The following NEB variants were observed in gnomAD, a reference collection of about 807,000 sequenced individuals.
NEB encodes the protein nebulin.
A neutral mutation model predicts 952.2 loss-of-function variants in NEB; 512 were observed. That is an observed-to-expected ratio of 0.54 (90% CI 0.50 to 0.58). The LOEUF (loss-of-function observed/expected upper bound fraction) is 0.58. Among genes scored for constraint, NEB ranks in the 20% least tolerant of loss-of-function variants. The pLI is 0.00. For synonymous variants in NEB, 2,900 were observed against 3,149.8 expected, an observed-to-expected ratio of 0.92 and a Z score of 2.66; for missense variants, 8,428 against 9,231.1, an observed-to-expected ratio of 0.91 and a Z score of 3.56.
chr2:151,562,733 C>T lies in NEB; in HGVS notation c.18769G>A (p.Ala6257Thr). 1 of 1,603,570 alleles carries T rather than the reference C, an allele frequency of 6.2e-7. No individual in the cohort carries two copies. The highest frequency in any genetic ancestry group is 8.5e-7 in the Non-Finnish European group (1 of 1,174,594). The change falls in exon 120 of 182, where the codon GCT becomes ACT. Residue 6257 changes from alanine (A) to threonine (T), a missense_variant. Ala to Thr is a moderately conservative substitution (Grantham distance 58). Coordinates refer to ENST00000397345, the MANE Select transcript of NEB (RefSeq NM_001164508.2). ...IPNDMMNHVL[A>T]KRCQYILSDL... is the part of the protein sequence containing the mutation. ...CTGAGGATGTACTGGCACCTTTTAG[C>T]CAGCACGTGATTCATCATGTCATTG...
chr2:151,513,786 A>C, intron 159 of NEB, 93 bp from the exon 160 acceptor site: 3 of 850,800 alleles, frequency 3.5e-6, no homozygotes, highest in Non-Finnish European at 5.7e-6. Context: ...ATAACACGCC[A>C]CCCCAGTTGT....
chr2:151,690,539 T>A lies in NEB; in HGVS notation c.2310+188A>T, dbSNP rs77154348. The A allele has an allele frequency of 2.2e-3, 1,234 of 552,658 alleles. 12 individuals are homozygous for A. The highest frequency in any genetic ancestry group is 0.021 in the African/African-American group (1,089 of 52,602). 34.2% of individuals were successfully genotyped at this position (552,658 alleles called of 1,614,324 possible). On this transcript the variant is annotated intron_variant, in intron 24 of 181. Transcript: ENST00000397345. ...TAAAAAATATTTATTTTTATTATTG[T>A]CTAACACAACTTTCCTCAGGCTGCA... is the stretch of plus-strand genomic sequence containing the variant.
At chr2:151,577,290 G>A (rs2096905826) in intron 105 of NEB, among the ~76,000 whole-genome samples, 1 of 152,112 alleles carries the variant, frequency 6.6e-6, no homozygotes, top group South Asian at 2.1e-4. Context: ...CGTGTCATCT[G>A]TACTTCCATT....
At chr2:151,690,437 T>G in intron 24 of NEB, 1 of 283,552 alleles carries the variant, frequency 3.5e-6, no homozygotes, top group African/African-American at 2.2e-5. Flanking sequence ...TTATTTAAGT[T>G]GGCATGAAGT....
At chr2:151,508,485 A>G (rs887312683) in intron 161 of NEB, among the ~76,000 whole-genome samples, 1 of 152,212 alleles carries the variant, frequency 6.6e-6, no homozygotes, top group Non-Finnish European at 1.5e-5. Flanking sequence ...ATGTAGCCAG[A>G]CTGTTCAACA....
In NEB at chr2:151,634,013, G is replaced by T. The variant is rs185695867; in HGVS notation, c.9103-48C>A. ...AGGTTTTTATTGTAACCCCTTAGAG[G>T]CCACAAGTCTGTGCAAAATCAACTT... On this transcript the variant is annotated intron_variant, in intron 64 of 181. Transcript: ENST00000397345. The T allele has an allele frequency of 4.7e-5, 73 of 1,564,660 alleles. No individual in the cohort carries two copies. The Admixed American group carries it at 8.9e-4, about 19-fold the overall frequency.
In NEB at chr2:151,724,371, A is replaced by T. The variant is rs1248851765; in HGVS notation, c.508-7T>A. On this transcript the variant is annotated splice_region_variant and splice_polypyrimidine_tract_variant and intron_variant, in intron 7 of 181. Coordinates refer to ENST00000397345, the MANE Select transcript of NEB (RefSeq NM_001164508.2). ...AGTTCTGCTTGTATAAAACCTAGAC[A>T]GAAGGAGCAGAGGATCTGTGGCTTG... The T allele has an allele frequency of 4.4e-6, 7 of 1,597,082 alleles. No individual in the cohort carries two copies.
In NEB at chr2:151,710,522, T is replaced by G. The variant is rs762688575; in HGVS notation, c.839A>C (p.Asp280Ala). 6.2e-7 allele frequency: 1 copy of G among 1,604,896 alleles called. No individual in the cohort carries two copies. Among genetic ancestry groups the G allele is most frequent in the South Asian group, 1.1e-5 (1 of 89,470 alleles). The change falls in exon 11 of 182, where the codon GAC (aspartate) becomes GCC (alanine). Residue 280 changes from aspartate to alanine, a missense_variant. Physicochemically the swap from Asp to Ala is moderately radical, Grantham distance 126. Coordinates refer to ENST00000397345, the MANE Select transcript of NEB (RefSeq NM_001164508.2). The stretch of plus-strand genomic sequence containing the variant: ...TTTGCCTTTGATTTTATTTTCATAG[T>G]CTTCTTTGTATTTTTGCTAGAAAAA... The part of the protein sequence containing the change: ...NQVSKQKYKE[D>A]YENKIKGKWS...
intron 181 of NEB, among the ~76,000 whole-genome samples, chr2:151,489,201 C>T (rs1178482951): frequency 1.3e-5 from 2 of 152,106 alleles, no homozygotes; most frequent in Admixed American, 1.3e-4. Context: ...AGACAGTTGT[C>T]TTCATACAAA....
rs1478444087 is a variant in NEB at position 151,695,667 on chromosome 2, T to C, written c.1585A>G (p.Lys529Glu). Reference sequence around the variant, plus strand: ...CACTTGAACTTTTCACTTTCATGTTTTGCTTTGTAATTTAACTATGACAGA... The same window carrying C: ...CACTTGAACTTTTCACTTTCATGTTCTGCTTTGTAATTTAACTATGACAGA... ...KQLSDLNYKA[K>E]HESEKFKCHI... The change falls in exon 18 of 182, where the codon AAA (lysine) becomes GAA (glutamate). Residue 529 changes from lysine to glutamate, a missense_variant. Lys to Glu is a moderately conservative substitution (Grantham distance 56). Around this residue, in one of 11 missense-constraint regions of NEB, gnomAD observed 2,851 missense variants for 2,791.5 expected, o/e 1.02. Coordinates refer to ENST00000397345, the MANE Select transcript of NEB (RefSeq NM_001164508.2). 3.7e-6 allele frequency: 6 copies of C among 1,613,208 alleles called. No homozygotes were observed. In the African/African-American group the frequency reaches 5.3e-5, roughly 14 times the overall value.
Position 151,692,262 on chromosome 2 carries a change from T to A in NEB, c.1997A>T (p.Glu666Val), listed in dbSNP as rs2099557798. Residue 666 changes from glutamate to valine, a missense_variant and splice_region_variant, in exon 21 of 182, where the codon GAG (glutamate) becomes GTG (valine). By Grantham distance (121) the Glu-to-Val change is moderately radical. This residue lies in a region of NEB where 2,851 missense variants were observed against 2,791.5 expected (regional missense o/e 1.02). Transcript: ENST00000397345. Reference protein sequence around the residue: ...QLDTQLKNFSEARYKDLYVKD... With the variant: ...QLDTQLKNFSVARYKDLYVKD... The stretch of plus-strand genomic sequence containing the variant: ...AAAGGTAACCGTGGCTTTTCGAACC[T>A]CACTGAAGTTCTTCAGCTGAGTATC... The A allele has an allele frequency of 4.3e-6, 7 of 1,613,600 alleles. No homozygotes were observed. The highest frequency in any genetic ancestry group is 5.9e-6 in the Non-Finnish European group (7 of 1,179,528).
chr2:151,616,965 T>G (rs990022369), intron 75 of NEB, among the ~76,000 whole-genome samples: 3 of 152,210 alleles, frequency 2.0e-5, no homozygotes, highest in Non-Finnish European at 4.4e-5. Flanking sequence ...GGAAAAATGT[T>G]AACATCAAAT....
At chr2:151,505,232 C>T (rs2067890637) in intron 165 of NEB, among the ~76,000 whole-genome samples, 1 of 152,156 alleles carries the variant, frequency 6.6e-6, no homozygotes, top group Non-Finnish European at 1.5e-5. Context: ...GAAGCCAAGT[C>T]CATGAGCTTC....
At position 151,656,364 on chromosome 2, in the gene NEB, T is replaced by C; in HGVS notation, c.6284A>G (p.Lys2095Arg). The change falls in exon 49 of 182, where the codon AAG becomes AGG. Residue 2095 changes from lysine to arginine, a missense_variant. By Grantham distance (26) the Lys-to-Arg change is conservative. Coordinates refer to ENST00000397345, the MANE Select transcript of NEB (RefSeq NM_001164508.2). ...PKLVHSMQVA[K>R]MQSDREYKKN... ...CTTGTACTCCCGATCAGATTGCATC[T>C]TAGCCACTTGCATGGAATGGACTAA... 1.2e-6 allele frequency: 2 copies of C among 1,613,662 alleles called. No homozygotes were observed. The highest frequency in any genetic ancestry group is 8.5e-7 in the Non-Finnish European group (1 of 1,179,678).
At chr2:151,667,665 C>G (rs768218377) in intron 40 of NEB, 139 bp downstream of exon 40, 6 of 537,310 alleles carry the variant, frequency 1.1e-5, no homozygotes, top group Non-Finnish European at 1.9e-5. Flanking sequence ...ATAGTTGGAA[C>G]TACAGGTACA....
chr2:151,730,200 C>A (rs1033569999), intron 3 of NEB, among the ~76,000 whole-genome samples: 6 of 152,156 alleles, frequency 3.9e-5, no homozygotes, highest in Non-Finnish European at 7.4e-5. Flanking sequence ...TAATAAGTTT[C>A]TTCTGGAGTG....
At position 151,534,338 on chromosome 2, in the gene NEB, A is replaced by G. The variant is rs746132553; in HGVS notation, c.21313-792T>C. The G allele has an allele frequency of 5.6e-6, 9 of 1,596,770 alleles. No individual in the cohort carries two copies. The African/African-American group carries it at 1.1e-4, about 19-fold the overall frequency. ...ATTTTTTCTGCTCAAACATCATAGC[A>G]TATTATAGCAAGAGTACAACTTCAA... On this transcript the variant is annotated intron_variant, in intron 142 of 181. Coordinates refer to ENST00000397345, the MANE Select transcript of NEB (RefSeq NM_001164508.2).
chr2:151,551,362 T>C (rs1325438224), intron 129 of NEB, among the ~76,000 whole-genome samples: 13 of 152,208 alleles, frequency 8.5e-5, no homozygotes, highest in Non-Finnish European at 1.9e-4. Context: ...AGGTTAAATA[T>C]GCAGGTGGGA....
rs749228422 is a variant in NEB at position 151,697,156 on chromosome 2, A to G, written c.1462T>C (p.Cys488Arg). ...TCAGACTACAGACTTACGTCTTTAC[A>G]CTGATCTAGTTTCTTAATTGCTTCA... is the stretch of plus-strand genomic sequence containing the variant. ...EYEAIKKLDQ[C>R]KDHTYKVHPD... The change falls in exon 16 of 182, where the codon TGT (cysteine) becomes CGT (arginine). Residue 488 changes from cysteine (C) to arginine (R), a missense_variant. By Grantham distance (180) the Cys-to-Arg change is radical. Transcript: ENST00000397345. The G allele has an allele frequency of 1.2e-6, 2 of 1,611,378 alleles. No individual in the cohort carries two copies. Among genetic ancestry groups the G allele is most frequent in the African/African-American group, 1.3e-5 (1 of 74,870 alleles).
Sources: gnomAD v4.1 joint callset for allele counts (sites outside exome capture counted in the v4.1 genomes callset) on GRCh38, gnomAD v4.1.1 for gene constraint, gnomAD v4.1.1 regional missense constraint, MANE v1.5 for transcripts, NCBI Gene and HGNC (gene_info 2026-07-23, HGNC 2026-07-21) for gene names.